The following PPARGC1A variants were observed in gnomAD, a reference collection of about 807,000 sequenced individuals.
PPARGC1A encodes the protein peroxisome proliferator-activated receptor gamma coactivator 1-alpha.
Under a neutral mutation model 88.7 loss-of-function variants are expected in PPARGC1A, and 25 were observed. The observed-to-expected ratio is 0.28, with a 90% CI of 0.21 to 0.39. The LOEUF (loss-of-function observed/expected upper bound fraction) is 0.39, where lower values mean the gene tolerates loss of function less well. Ranked by LOEUF, PPARGC1A falls within the 10% of genes least tolerant of loss-of-function variation. The pLI is 1.00. For synonymous variants in PPARGC1A, 363 were observed against 355.6 expected (o/e 1.02, Z -0.24); for missense variants, 880 against 968.7 (o/e 0.91, Z 1.22).
At chr4:24,126,755 C>T in the PPARGC1A span, among the ~76,000 whole-genome samples, 1 of 152,200 alleles carries the variant, frequency 6.6e-6, no homozygotes, top group East Asian at 1.9e-4. Flanking sequence ...GGGCGGCATG[C>T]TAGTAGCCAT....
At chr4:24,184,110 T>G in the PPARGC1A span, among the ~76,000 whole-genome samples, 4 of 152,192 alleles carry the variant, frequency 2.6e-5, no homozygotes, top group African/African-American at 9.7e-5. Context: ...CTACCTGGAA[T>G]TGGGGATGAA....
At chr4:24,320,511 T>A in the PPARGC1A span, among the ~76,000 whole-genome samples, 1 of 152,238 alleles carries the variant, frequency 6.6e-6, no homozygotes, top group South Asian at 2.1e-4. Flanking sequence ...GCATTTAAAA[T>A]GAAGACTTGG....
At chr4:23,838,707 T>C (rs972692359) in intron 2 of PPARGC1A, among the ~76,000 whole-genome samples, 2 of 152,066 alleles carry the variant, frequency 1.3e-5, no homozygotes, top group African/African-American at 4.8e-5. Flanking sequence ...CCGGTAGAAA[T>C]AACATAAATT....
chr4:24,180,990 C>T, the PPARGC1A span, among the ~76,000 whole-genome samples: 5 of 152,200 alleles, frequency 3.3e-5, no homozygotes, highest in Admixed American at 6.5e-5. Flanking sequence ...TTACCTCTGC[C>T]TCATCTAGCA....
the PPARGC1A span, among the ~76,000 whole-genome samples, chr4:24,146,325 A>T: frequency 6.6e-6 from 1 of 152,254 alleles, no homozygotes; most frequent in African/African-American, 2.4e-5. Flanking sequence ...AGCATTAATC[A>T]TGTGCATGCC....
the PPARGC1A span, among the ~76,000 whole-genome samples, chr4:23,909,939 C>A: frequency 1.3e-5 from 2 of 150,410 alleles, no homozygotes; most frequent in Non-Finnish European, 2.9e-5. Flanking sequence ...GTAGTGGGAG[C>A]CAAGATTTGG....
chr4:24,117,241 T>C, the PPARGC1A span, among the ~76,000 whole-genome samples: 1 of 152,166 alleles, frequency 6.6e-6, no homozygotes, highest in African/African-American at 2.4e-5. Context: ...ATCAGCTTCA[T>C]GACCTTGAGA....
the PPARGC1A span, among the ~76,000 whole-genome samples, chr4:24,225,192 G>A: frequency 2.6e-5 from 4 of 152,172 alleles, no homozygotes; most frequent in African/African-American, 9.6e-5. Context: ...CAGGAGAAAG[G>A]AAAGAATCAG....
chr4:24,162,714 C>T, the PPARGC1A span, among the ~76,000 whole-genome samples: 1 of 151,560 alleles, frequency 6.6e-6, no homozygotes. Context: ...TCTTCTGCCT[C>T]CCAAGTAGCT....
At chr4:24,093,354 C>T in the PPARGC1A span, among the ~76,000 whole-genome samples, 1 of 152,204 alleles carries the variant, frequency 6.6e-6, no homozygotes, top group Non-Finnish European at 1.5e-5. Context: ...TATATAGGAA[C>T]ATGCTTTGTA....
At chr4:24,269,024 A>T in the PPARGC1A span, among the ~76,000 whole-genome samples, 1 of 152,200 alleles carries the variant, frequency 6.6e-6, no homozygotes. Context: ...TTATGAAGTT[A>T]CATTTGTGAT....
chr4:23,964,419 A>G, the PPARGC1A span, among the ~76,000 whole-genome samples: 22,292 of 152,184 alleles, frequency 0.15, 2,271 homozygotes, highest in Admixed American at 0.3. Context: ...GGATGATAAG[A>G]AAAGGGATGA....
chr4:24,288,756 AAAAT>A, the PPARGC1A span, among the ~76,000 whole-genome samples: 3 of 152,374 alleles, frequency 2.0e-5, no homozygotes, highest in East Asian at 3.9e-4. Flanking sequence ...TTAAAAATCC[AAAAT>A]AAATAAATAA....
chr4:24,102,557 G>A, the PPARGC1A span, among the ~76,000 whole-genome samples: 2 of 152,190 alleles, frequency 1.3e-5, no homozygotes, highest in African/African-American at 2.4e-5. Context: ...AAGTCTTTCC[G>A]AATTGCATTT....
chr4:24,445,502 T>A, the PPARGC1A span, among the ~76,000 whole-genome samples: 4 of 152,090 alleles, frequency 2.6e-5, no homozygotes, highest in African/African-American at 4.8e-5. Flanking sequence ...TTTCTGATTA[T>A]TATAAAATAA....
the PPARGC1A span, among the ~76,000 whole-genome samples, chr4:24,411,452 C>T: frequency 6.6e-6 from 1 of 152,228 alleles, no homozygotes; most frequent in Admixed American, 6.5e-5. Context: ...CAGGTGCAGC[C>T]TGCCCTACTA....
the PPARGC1A span, among the ~76,000 whole-genome samples, chr4:24,304,191 C>T: frequency 6.6e-6 from 1 of 152,156 alleles, no homozygotes; most frequent in East Asian, 1.9e-4. Context: ...TATAGATGAC[C>T]TGCTTGTGTG....
the PPARGC1A span, among the ~76,000 whole-genome samples, chr4:24,031,571 C>A: frequency 1.3e-5 from 2 of 152,174 alleles, no homozygotes; most frequent in Non-Finnish European, 2.9e-5. Context: ...AAGCATTAAG[C>A]AAGCATTGTT....
At chr4:24,310,571 A>G in the PPARGC1A span, among the ~76,000 whole-genome samples, 5 of 152,320 alleles carry the variant, frequency 3.3e-5, no homozygotes, top group South Asian at 1.0e-3. Context: ...CATGGGGCCA[A>G]CTGAAAGCCC....
Sources: allele counts gnomAD v4.1 joint callset (sites outside exome capture counted in the v4.1 genomes callset), GRCh38; gene constraint gnomAD v4.1.1; transcripts MANE v1.5; gene names NCBI Gene and HGNC (gene_info 2026-07-23, HGNC 2026-07-21).